The following FAM163B variants were observed in gnomAD, a reference collection of about 807,000 sequenced individuals.
FAM163B encodes protein FAM163B.
A neutral mutation model predicts 7.6 loss-of-function variants in FAM163B; 4 were observed. That is an observed-to-expected ratio of 0.52 (90% CI 0.26 to 1.20). The LOEUF is 1.20. FAM163B is among the 50% of genes most tolerant of loss of function. The pLI is 0.14. For synonymous variants in FAM163B, 120 were observed against 111.6 expected, an observed-to-expected ratio of 1.07 and a Z score of -0.47; for missense variants, 250 against 243.0, an observed-to-expected ratio of 1.03 and a Z score of -0.19.
At chr9:133,579,940 G>A (rs1439872883) in intron 2 of FAM163B, among the ~76,000 whole-genome samples, 191 bp downstream of exon 2, 2 of 152,206 alleles carry the variant, frequency 1.3e-5, no homozygotes, top group African/African-American at 4.8e-5. Flanking sequence ...CTGGGTGAGG[G>A]GAGTCAGGCG....
chr9:133,584,423 C>CT (rs1831402684), intron 1 of FAM163B, among the ~76,000 whole-genome samples: 1 of 152,206 alleles, frequency 6.6e-6, no homozygotes, highest in Admixed American at 6.5e-5. Flanking sequence ...CCTCCCAACT[C>CT]TGGGGGACTT....
At chr9:133,591,472 A>G (rs1375992814) in intron 1 of FAM163B, among the ~76,000 whole-genome samples, 3 of 152,130 alleles carry the variant, frequency 2.0e-5, no homozygotes, top group African/African-American at 7.2e-5. Flanking sequence ...GTGTCCCTGC[A>G]GGGGACCCTG....
Position 133,579,142 on chromosome 9 carries a change from G to A in FAM163B, c.381C>T (p.Ser127=). ...GGERVLYKSV[S]QEDVELPPGG... is the part of the protein sequence containing the mutation. ...CCGGGGGCAGCTCCACGTCCTCCTG[G>A]CTCACGCTCTTGTAGAGCACGCGCT... The change falls in exon 3 of 3, where the codon AGC becomes AGT. Residue 127 remains serine, a synonymous_variant. Transcript: ENST00000673969. The A allele has an allele frequency of 1.2e-6, 2 of 1,609,646 alleles. No individual in the cohort carries two copies. Among genetic ancestry groups the A allele is most frequent in the Non-Finnish European group, 8.5e-7 (1 of 1,179,748 alleles).
chr9:133,602,499 C>T lies in FAM163B; in HGVS notation c.-24+6578G>A, dbSNP rs544981067. ...CTTCTGGCAGCTGGGCAATGATGAGCGCTCCCAGGAAGAGAAGGGCCAGCA... is the reference window on the plus strand; with the variant it reads ...CTTCTGGCAGCTGGGCAATGATGAGTGCTCCCAGGAAGAGAAGGGCCAGCA... On this transcript the variant is annotated intron_variant, in intron 1 of 2. Coordinates refer to ENST00000673969, the MANE Select transcript of FAM163B (RefSeq NM_001080515.3). 1.3e-3 allele frequency among the ~76,000 whole-genome samples: 199 copies of T among 152,176 alleles called. 1 individual carries two copies. The highest frequency in any genetic ancestry group is 3.5e-3 in the African/African-American group (144 of 41,504).
chr9:133,584,053 C>T (rs1831396120), intron 1 of FAM163B, among the ~76,000 whole-genome samples: 2 of 152,128 alleles, frequency 1.3e-5, no homozygotes, highest in East Asian at 1.9e-4. Flanking sequence ...GCCCATCCCC[C>T]CCCCGGACCT....
At chr9:133,583,684 C>T (rs1275891719) in intron 1 of FAM163B, among the ~76,000 whole-genome samples, 1 of 152,232 alleles carries the variant, frequency 6.6e-6, no homozygotes, top group Non-Finnish European at 1.5e-5. Context: ...GCTGCAGCTC[C>T]TCTGGGCCCA....
chr9:133,596,342 G>A (rs1011973586), intron 1 of FAM163B, among the ~76,000 whole-genome samples: 35 of 145,542 alleles, frequency 2.4e-4, no homozygotes, highest in East Asian at 4.2e-4. Context: ...AAGTTTCTTC[G>A]TTCCTCCATG....
At chr9:133,594,039 G>A (rs1033858647) in intron 1 of FAM163B, among the ~76,000 whole-genome samples, 2 of 152,238 alleles carry the variant, frequency 1.3e-5, no homozygotes, top group Admixed American at 6.5e-5. Context: ...GGACATTTCT[G>A]TGACTGTGCC....
At chr9:133,593,304 C>T (rs959211988) in intron 1 of FAM163B, among the ~76,000 whole-genome samples, 3 of 152,212 alleles carry the variant, frequency 2.0e-5, no homozygotes, top group African/African-American at 7.2e-5. Context: ...GCTGTTTCCT[C>T]CTGTATCTCA....
intron 2 of FAM163B, 56 bp from the exon 3 acceptor site, chr9:133,579,485 A>G: frequency 6.7e-7 from 1 of 1,500,810 alleles, no homozygotes; most frequent in Non-Finnish European, 8.9e-7. Context: ...CAGAACCGAC[A>G]TGTGGGAAAG....
intron 2 of FAM163B, 123 bp from the exon 3 acceptor site, chr9:133,579,552 C>T: frequency 8.2e-7 from 1 of 1,212,708 alleles, no homozygotes; most frequent in Non-Finnish European, 1.1e-6. Flanking sequence ...GGCCCAAGCC[C>T]AGGCCTGACA....
chr9:133,605,504 C>G (rs900752734), intron 1 of FAM163B, among the ~76,000 whole-genome samples: 2 of 151,638 alleles, frequency 1.3e-5, no homozygotes, highest in African/African-American at 4.8e-5. Flanking sequence ...TCTTCCACCT[C>G]TGCCACCTGG....
Position 133,579,118 on chromosome 9 carries a change from C to CG in FAM163B, c.404dup (p.Phe138LeufsTer88), listed in dbSNP as rs1831304965. ...GCGCCTGCAGGCCCCCGAAGCCCCC[C>CG]GGGGGCAGCTCCACGTCCTCCTGGC... On this transcript the variant is annotated frameshift_variant, in exon 3 of 3. Transcript: ENST00000673969. LOFTEE classifies it high-confidence loss of function. The CG allele has an allele frequency of 1.2e-6, 2 of 1,607,282 alleles. No individual in the cohort carries two copies. The highest frequency in any genetic ancestry group is 1.7e-6 in the Non-Finnish European group (2 of 1,179,328).
rs146231096 is a variant in FAM163B, at chr9:133,592,543, C to T, written c.-23-12297G>A. 8.9e-4 allele frequency among the ~76,000 whole-genome samples: 136 copies of T among 152,264 alleles called. 1 individual carries two copies. In the Middle Eastern group the frequency reaches 0.01, roughly 11 times the overall value. ...TGCTGAGGGGCTCACACAAGAAGGG[C>T]GAAGGGGTGGGGAGGCTGCGCCAGT... On this transcript the variant is annotated intron_variant, in intron 1 of 2. Transcript: ENST00000673969.
chr9:133,590,103 T>TCCCC (rs1564193540), intron 1 of FAM163B, among the ~76,000 whole-genome samples: 3 of 20,946 alleles, frequency 1.4e-4, no homozygotes, highest in Admixed American at 5.8e-4. Context: ...CCCCTTCCCC[T>TCCCC]TCCCTTCCCC....
chr9:133,582,451 G>T (rs943908465), intron 1 of FAM163B, among the ~76,000 whole-genome samples: 15 of 152,196 alleles, frequency 9.9e-5, no homozygotes, highest in Non-Finnish European at 2.1e-4. Flanking sequence ...GAGGGATCTG[G>T]GTCAGGTCAG....
chr9:133,590,459 G>A (rs1831535401), intron 1 of FAM163B, among the ~76,000 whole-genome samples: 3 of 152,038 alleles, frequency 2.0e-5, no homozygotes, highest in Admixed American at 6.5e-5. Context: ...AACCCTATAG[G>A]CACAGCCGGC....
At chr9:133,582,717 C>T (rs947243990) in intron 1 of FAM163B, among the ~76,000 whole-genome samples, 4 of 152,184 alleles carry the variant, frequency 2.6e-5, no homozygotes, top group South Asian at 2.1e-4. Context: ...TTGGGATGGA[C>T]GTGCACCCCA....
At chr9:133,590,092 TCCCCTTC>T (rs1831521181) in intron 1 of FAM163B, among the ~76,000 whole-genome samples, 1 of 20,178 alleles carries the variant, frequency 5.0e-5, no homozygotes, top group African/African-American at 2.1e-4. Flanking sequence ...CCCCTTCCCT[TCCCCTTC>T]CCCTTCCCTT....
Sources: allele counts gnomAD v4.1 joint callset (sites outside exome capture counted in the v4.1 genomes callset), GRCh38; gene constraint gnomAD v4.1.1; transcripts MANE v1.5; gene names NCBI Gene and HGNC (gene_info 2026-07-23, HGNC 2026-07-21).